Variants in SLC2A9 observed in about 807,000 individuals in gnomAD.
SLC2A9 encodes solute carrier family 2 member 9.
A neutral mutation model predicts 50.6 loss-of-function variants in SLC2A9; 39 were observed. That is an observed-to-expected ratio of 0.77 (90% CI 0.60 to 1.01). The LOEUF is 1.01. Among genes scored for constraint, SLC2A9 ranks in the 50% least tolerant of loss-of-function variants. The pLI is 0.00. For missense variants in SLC2A9, 686 were observed against 677.6 expected (o/e 1.01, Z -0.14); for synonymous variants, 324 against 276.9 (o/e 1.17, Z -1.69).
At chr4:9,999,203 T>C (rs1443261368) in intron 2 of SLC2A9, among the ~76,000 whole-genome samples, 1 of 151,972 alleles carries the variant, frequency 6.6e-6, no homozygotes, top group African/African-American at 2.4e-5. Flanking sequence ...TACAGGTATG[T>C]GCCACTATGC....
rs747970630 is a variant in SLC2A9, at chr4:9,826,417, T to C, written c.1603A>G (p.Lys535Glu). Residue 535 changes from lysine to glutamate, a missense_variant, in exon 12 of 12, where the codon AAG becomes GAG. Physicochemically the swap from Lys to Glu is moderately conservative, Grantham distance 56. Transcript: ENST00000264784. ...ACTTGTTAAGGCCTTCCATTTATCTTACCATCAGTGACAGCTGAGTCGATT... is the reference window on the plus strand; with the variant it reads ...ACTTGTTAAGGCCTTCCATTTATCTCACCATCAGTGACAGCTGAGTCGATT... ...EKIDSAVTDGKINGRP is the reference protein window; with the variant it reads ...EKIDSAVTDGEINGRP 6.2e-7 allele frequency: 1 copy of C among 1,614,126 alleles called. No homozygotes were observed. Among genetic ancestry groups the C allele is most frequent in the South Asian group, 1.1e-5 (1 of 91,088 alleles).
intron 5 of SLC2A9, among the ~76,000 whole-genome samples, chr4:9,958,999 G>A (rs972163775): frequency 1.5e-4 from 23 of 151,346 alleles, no homozygotes; most frequent in African/African-American, 4.9e-4. Flanking sequence ...GAAAGTAATC[G>A]GTAAATAGTC....
At position 10,018,977 on chromosome 4, in the gene SLC2A9, G is replaced by T. The variant is rs776421301; in HGVS notation, c.247C>A (p.Pro83Thr). ...GCCGGGCCTTGGCGCGCACTCACCGGGGTGGGGGCATTCACCACCGACAGG... is the reference window on the plus strand; with the variant it reads ...GCCGGGCCTTGGCGCGCACTCACCGTGGTGGGGGCATTCACCACCGACAGG... ...YNLSVVNAPT[P>T]YIKAFYNESW... is the part of the protein sequence containing the mutation. The change falls in exon 2 of 12, where the codon CCG (proline) becomes ACG (threonine). Residue 83 changes from proline to threonine, a missense_variant and splice_region_variant. Transcript: ENST00000264784. 80 of 1,549,510 alleles carry T rather than the reference G, an allele frequency of 5.2e-5. No individual in the cohort carries two copies. The highest frequency in any genetic ancestry group is 5.9e-5 in the Admixed American group (3 of 50,984).
rs145366490 is a variant in SLC2A9 at position 9,909,117 on chromosome 4, G to C, written c.1003-772C>G. Reference sequence around the variant, plus strand: ...CCACAATGCATACAAGGTGAAAGATGTTCCCCAGAGTTGGGTAATGCACAA... The same window carrying C: ...CCACAATGCATACAAGGTGAAAGATCTTCCCCAGAGTTGGGTAATGCACAA... On this transcript the variant is annotated intron_variant, in intron 7 of 11. Coordinates refer to ENST00000264784, the MANE Select transcript of SLC2A9 (RefSeq NM_020041.3). 6.7e-4 allele frequency among the ~76,000 whole-genome samples: 102 copies of C among 152,300 alleles called. 2 individuals are homozygous for C. In the East Asian group the frequency reaches 0.016, roughly 24 times the overall value.
In SLC2A9 at chr4:9,784,654, C is replaced by G. The variant is rs1718984788; in HGVS notation, n.386-4589G>C. On this transcript the variant is annotated intron_variant and non_coding_transcript_variant, in intron 3 of 3. Transcript: ENST00000503803. The stretch of plus-strand genomic sequence containing the variant: ...GCTCAATAGAAAAGCCCGGCTGACT[C>G]CAATCATTTTGTTTTTCCTCTCTGC... Among the ~76,000 whole-genome samples, 2 of 152,296 alleles carry G rather than the reference C, an allele frequency of 1.3e-5. 1 individual carries two copies. The highest frequency in any genetic ancestry group is 4.1e-4 in the South Asian group (2 of 4,822).
chr4:9,931,077 T>G (rs1745810627), intron 6 of SLC2A9, among the ~76,000 whole-genome samples: 1 of 152,124 alleles, frequency 6.6e-6, no homozygotes, highest in South Asian at 2.1e-4. Flanking sequence ...CCTGGGAAAT[T>G]GCTATCTATC....
chr4:9,791,000 T>A (rs556096023), intron 3 of SLC2A9, among the ~76,000 whole-genome samples: 7 of 152,350 alleles, frequency 4.6e-5, no homozygotes, highest in African/African-American at 1.4e-4. Context: ...ATAATTTGAA[T>A]GTATAGTCTT....
intron 3 of SLC2A9, among the ~76,000 whole-genome samples, chr4:9,808,446 C>T (rs1476526319): frequency 6.6e-6 from 1 of 152,140 alleles, no homozygotes; most frequent in Non-Finnish European, 1.5e-5. Flanking sequence ...GGGTGGTGAC[C>T]TCTTGTTGAG....
intron 10 of SLC2A9, among the ~76,000 whole-genome samples, chr4:9,838,829 T>A (rs1727526924): frequency 6.6e-6 from 1 of 152,160 alleles, no homozygotes; most frequent in Non-Finnish European, 1.5e-5. Flanking sequence ...GACTCCTCCC[T>A]TACACCATAT....
intron 5 of SLC2A9, among the ~76,000 whole-genome samples, chr4:9,947,446 C>T (rs531917411): frequency 6.6e-6 from 1 of 152,298 alleles, no homozygotes; most frequent in South Asian, 2.1e-4. Flanking sequence ...CCCACTCTGA[C>T]CCCAACCTAG....
chr4:9,813,039 T>G lies in SLC2A9; in HGVS notation n.420+13381A>C, dbSNP rs78061800. ...TTCTTTGGGTTTCATAACCAGCTAA[T>G]GAATGTTTAGTGAAAGCAAAATGAG... is the stretch of plus-strand genomic sequence containing the variant. On this transcript the variant is annotated intron_variant and non_coding_transcript_variant, in intron 3 of 3. Transcript: ENST00000503280. Among the ~76,000 whole-genome samples the G allele has an allele frequency of 6.6e-3, 1,003 of 152,302 alleles. 33 individuals carry two copies. The East Asian group carries it at 0.086, about 13-fold the overall frequency.
chr4:10,025,945 G>GGT (rs765625291), upstream of SLC2A9: 7 of 1,613,572 alleles, frequency 4.3e-6, no homozygotes, highest in South Asian at 6.6e-5. Flanking sequence ...TCTTCTCCTC[G>GGT]GTCCTTTTTA....
chr4:9,967,828 AAC>A (rs1491522423), intron 5 of SLC2A9, among the ~76,000 whole-genome samples: 1 of 114,408 alleles, frequency 8.7e-6, no homozygotes, highest in Admixed American at 8.8e-5. Flanking sequence ...TATAGAACAA[AAC>A]AAAAGTTATA....
intron 7 of SLC2A9, among the ~76,000 whole-genome samples, chr4:9,918,838 G>A (rs1306690095): frequency 2.0e-5 from 3 of 152,110 alleles, no homozygotes; most frequent in African/African-American, 2.4e-5. Context: ...ATATTATCCC[G>A]ACTTAAAGAT....
At chr4:9,904,433 A>G (rs1012811573) in intron 8 of SLC2A9, among the ~76,000 whole-genome samples, 2 of 151,642 alleles carry the variant, frequency 1.3e-5, no homozygotes, top group East Asian at 3.9e-4. Context: ...TCTGACTCTG[A>G]CCCTCCTGCC....
intron 1 of SLC2A9, among the ~76,000 whole-genome samples, chr4:10,038,860 C>T (rs1241590465): frequency 6.6e-6 from 1 of 152,160 alleles, no homozygotes; most frequent in African/African-American, 2.4e-5. Context: ...CACTCATTCA[C>T]ACAAAACAGA....
intron 5 of SLC2A9, among the ~76,000 whole-genome samples, chr4:9,944,023 G>T (rs374619261): frequency 6.6e-6 from 1 of 152,356 alleles, no homozygotes; most frequent in African/African-American, 2.4e-5. Flanking sequence ...TTTTCCCACA[G>T]TATCGTCACA....
At chr4:9,885,810 C>T (rs543111803) in intron 10 of SLC2A9, among the ~76,000 whole-genome samples, 123 of 152,348 alleles carry the variant, frequency 8.1e-4, no homozygotes, top group African/African-American at 2.8e-3. Flanking sequence ...TACTGGGACA[C>T]AACCATGCAG....
chr4:9,833,803 G>A (rs1216118880), intron 11 of SLC2A9, among the ~76,000 whole-genome samples: 3 of 152,174 alleles, frequency 2.0e-5, no homozygotes, highest in African/African-American at 7.2e-5. Flanking sequence ...CTGAGAATGG[G>A]TGGTGATGTA....
Sources: gnomAD v4.1 joint callset for allele counts (sites outside exome capture counted in the v4.1 genomes callset) on GRCh38, gnomAD v4.1.1 for gene constraint, MANE v1.5 for transcripts, NCBI Gene and HGNC (gene_info 2026-07-23, HGNC 2026-07-21) for gene names.